Variants in PCDHGB3 observed in about 807,000 individuals in gnomAD.
The protein encoded by PCDHGB3 is protocadherin gamma-B3.
In PCDHGB3, 40 loss-of-function variants were observed where a neutral mutation model predicts 59.2. The observed-to-expected ratio is 0.68, with a 90% confidence interval of 0.52 to 0.88. The LOEUF is 0.88. Among genes scored for constraint, PCDHGB3 ranks in the 40% least tolerant of loss-of-function variants. The probability of loss-of-function intolerance (pLI) is 0.00; values close to 1 mark genes in which losing one functional copy is unlikely to be tolerated. For missense variants in PCDHGB3, 1,309 were observed against 1,187.9 expected, an observed-to-expected ratio of 1.10 and a Z score of -1.50; for synonymous variants, 581 against 503.6, an observed-to-expected ratio of 1.15 and a Z score of -2.06.
At chr5:141,427,259 G>A (rs1365845158) in intron 1 of PCDHGB3, 1 of 456,756 alleles carries the variant, frequency 2.2e-6, no homozygotes, top group Non-Finnish European at 4.4e-6. Flanking sequence ...GTGGAGGCAT[G>A]ACCAGCGAAT....
chr5:141,497,060 G>A (rs1244885752), intron 2 of PCDHGB3, among the ~76,000 whole-genome samples: 1 of 151,952 alleles, frequency 6.6e-6, no homozygotes, highest in African/African-American at 2.4e-5. Context: ...GTGGTGGCAG[G>A]CACCTGTAAT....
Position 141,489,492 on chromosome 5 carries a change from G to T in PCDHGB3, c.2416-5315G>T, listed in dbSNP as rs1258376136. On this transcript the variant is annotated intron_variant, in intron 1 of 3. Coordinates refer to ENST00000576222, the MANE Select transcript of PCDHGB3 (RefSeq NM_018924.5). The surrounding 1 kb of genome is among the most constrained non-coding windows in gnomAD (Gnocchi z 4.5). ...CCCTGAGCTTGATGAGTGGTGCCCT[G>T]GCAGTGAATCAAAAGATTGACCGAG... 1 of 1,614,042 alleles carries T rather than the reference G, an allele frequency of 6.2e-7. No individual in the cohort carries two copies. The highest frequency in any genetic ancestry group is 1.1e-5 in the South Asian group (1 of 91,078).
Position 141,489,902 on chromosome 5 carries a change from C to T in PCDHGB3, c.2416-4905C>T. The T allele has an allele frequency of 6.2e-7, 1 of 1,614,218 alleles. No individual in the cohort carries two copies. The highest frequency in any genetic ancestry group is 8.5e-7 in the Non-Finnish European group (1 of 1,180,032). On this transcript the variant is annotated intron_variant, in intron 1 of 3. Transcript: ENST00000576222. This position sits in a 1 kb window ranked among gnomAD's most constrained non-coding sequence, Gnocchi z 4.5. Reference sequence around the variant, plus strand: ...ACTGCTGTGGATGGGGGGACCCCAGCCCGCTCAGGGACCACCCTTATCTCT... The same window carrying T: ...ACTGCTGTGGATGGGGGGACCCCAGTCCGCTCAGGGACCACCCTTATCTCT...
intron 1 of PCDHGB3, among the ~76,000 whole-genome samples, chr5:141,450,696 A>G (rs943551061): frequency 1.3e-5 from 2 of 152,164 alleles, no homozygotes; most frequent in East Asian, 3.9e-4. Flanking sequence ...CATGTTGCCC[A>G]GGATGGTCTC....
At chr5:141,399,624 T>C (rs1006867896) in intron 1 of PCDHGB3, 9 of 1,613,898 alleles carry the variant, frequency 5.6e-6, no homozygotes, top group African/African-American at 4.0e-5. Flanking sequence ...CACTGGCCTC[T>C]TACGTGTCCA....
At position 141,499,673 on chromosome 5, in the gene PCDHGB3, C is replaced by A. The variant is rs1193484216; in HGVS notation, c.2474+4808C>A. Among the ~76,000 whole-genome samples the A allele has an allele frequency of 2.7e-5, 4 of 150,550 alleles. No individual in the cohort carries two copies. In the East Asian group the frequency reaches 7.8e-4, roughly 29 times the overall value. On this transcript the variant is annotated intron_variant, in intron 2 of 3. Transcript: ENST00000576222. ...CATATAATTTCATCTTGGTCTCCACCATCTTTAACAGATGACTTTTTTTTT... is the reference window on the plus strand; with the variant it reads ...CATATAATTTCATCTTGGTCTCCACAATCTTTAACAGATGACTTTTTTTTT...
At chr5:141,505,085 C>A (rs954289918) in intron 2 of PCDHGB3, among the ~76,000 whole-genome samples, 1 of 152,162 alleles carries the variant, frequency 6.6e-6, no homozygotes, top group Non-Finnish European at 1.5e-5. Context: ...TCGCTTGAAC[C>A]CAGGAGGTGG....
intron 1 of PCDHGB3, among the ~76,000 whole-genome samples, chr5:141,469,642 A>G (rs1339074059): frequency 2.0e-5 from 3 of 152,244 alleles, no homozygotes; most frequent in Admixed American, 6.5e-5. Flanking sequence ...AAATATTTTG[A>G]TGACATAATT....
chr5:141,447,299 C>A (rs543731556), intron 1 of PCDHGB3, among the ~76,000 whole-genome samples: 38 of 152,102 alleles, frequency 2.5e-4, no homozygotes, highest in Middle Eastern at 6.8e-3. Context: ...GCCACCACAC[C>A]CGGCTAATTT....
chr5:141,397,820 C>G (rs2093573235), intron 1 of PCDHGB3, among the ~76,000 whole-genome samples: 1 of 152,240 alleles, frequency 6.6e-6, no homozygotes, highest in Non-Finnish European at 1.5e-5. Flanking sequence ...AAAACAATTA[C>G]TGCACTGGTT....
chr5:141,419,943 C>G (rs2096450865), intron 1 of PCDHGB3: 4 of 1,614,070 alleles, frequency 2.5e-6, no homozygotes, highest in Non-Finnish European at 3.4e-6. Flanking sequence ...CTGGTGGTGG[C>G]CTTGGCCTTG....
chr5:141,371,996 C>T lies in PCDHGB3; in HGVS notation c.1602C>T (p.Ala534=). Residue 534 remains alanine, a synonymous_variant, in exon 1 of 4, where the codon GCC becomes GCT. Coordinates refer to ENST00000576222, the MANE Select transcript of PCDHGB3 (RefSeq NM_018924.5). ...QLRAFELTLQ[A]RDQGSPTLSA... ...GTGCCTTCGAGCTCACTCTGCAGGC[C>T]CGCGACCAGGGCTCGCCTACGCTCA... 1 of 1,613,272 alleles carries T rather than the reference C, an allele frequency of 6.2e-7. No homozygotes were observed. Among genetic ancestry groups the T allele is most frequent in the Non-Finnish European group, 8.5e-7 (1 of 1,179,768 alleles).
intron 1 of PCDHGB3, chr5:141,375,861 C>T (rs567912144): frequency 1.9e-6 from 3 of 1,613,986 alleles, no homozygotes; most frequent in Middle Eastern, 1.7e-4. Flanking sequence ...AAGGTGGTGG[C>T]GGTGGACAGA....
At chr5:141,418,499 G>A (rs775606988) in intron 1 of PCDHGB3, 1 of 1,613,962 alleles carries the variant, frequency 6.2e-7, no homozygotes, top group Non-Finnish European at 8.5e-7. Context: ...GGTACTGACC[G>A]CCTTAGATGG....
At chr5:141,395,578 G>A (rs2093281923) in intron 1 of PCDHGB3, 1 of 227,714 alleles carries the variant, frequency 4.4e-6, no homozygotes, top group East Asian at 9.3e-5. Flanking sequence ...GTGTGTGTGT[G>A]TGTGTGTGTG....
Position 141,371,668 on chromosome 5 carries a change from C to A in PCDHGB3, c.1274C>A (p.Thr425Asn). 6.2e-7 allele frequency: 1 copy of A among 1,614,026 alleles called. No homozygotes were observed. The highest frequency in any genetic ancestry group is 1.6e-4 in the Middle Eastern group (1 of 6,062). ...GAATACAATGTGACGATCACAGCTA[C>A]CGACAAAGGCAATCCACCGCTCTCC... The part of the protein sequence containing the change: ...IPEYNVTITA[T>N]DKGNPPLSSS... The change falls in exon 1 of 4, where the codon ACC becomes AAC. Residue 425 changes from threonine (T) to asparagine (N), a missense_variant. Coordinates refer to ENST00000576222, the MANE Select transcript of PCDHGB3 (RefSeq NM_018924.5).
chr5:141,374,973 T>C (rs1770996442), intron 1 of PCDHGB3: 1 of 1,614,028 alleles, frequency 6.2e-7, no homozygotes, highest in Non-Finnish European at 8.5e-7. Flanking sequence ...TTGAATGTTT[T>C]GACTGGAGAA....
chr5:141,415,443 C>T, intron 1 of PCDHGB3: 1 of 1,614,196 alleles, frequency 6.2e-7, no homozygotes, highest in Non-Finnish European at 8.5e-7. Context: ...TCCTGCAGAC[C>T]TATTCCCACG....
At chr5:141,494,232 A>T (rs2099752983) in intron 1 of PCDHGB3, among the ~76,000 whole-genome samples, 1 of 152,168 alleles carries the variant, frequency 6.6e-6, no homozygotes, top group African/African-American at 2.4e-5. Flanking sequence ...TCCTAAATTA[A>T]TAATGTATTT....
Sources: gnomAD v4.1 joint callset for allele counts (sites outside exome capture counted in the v4.1 genomes callset) on GRCh38, gnomAD v4.1.1 for gene constraint, Gnocchi (gnomAD v3.1) non-coding constraint, MANE v1.5 for transcripts, NCBI Gene and HGNC (gene_info 2026-07-23, HGNC 2026-07-21) for gene names.